Variants in GADL1 observed in about 807,000 individuals in gnomAD.
The protein encoded by GADL1 is acidic amino acid decarboxylase GADL1.
GADL1 carries 71 observed loss-of-function variants against 69.5 expected under a neutral mutation model. That is an observed-to-expected ratio of 1.02 (90% CI 0.84 to 1.25). The LOEUF is 1.25. GADL1 is among the 50% of genes most tolerant of loss of function. The pLI is 0.00. For synonymous variants in GADL1, 254 were observed against 214.4 expected, an observed-to-expected ratio of 1.18 and a Z score of -1.62; for missense variants, 737 against 631.8, an observed-to-expected ratio of 1.17 and a Z score of -1.79.
intron 11 of GADL1, among the ~76,000 whole-genome samples, chr3:30,825,761 A>G (rs972507865): frequency 1.3e-5 from 2 of 151,890 alleles, no homozygotes; most frequent in African/African-American, 2.4e-5. Context: ...ATCACACACC[A>G]GGGCCTGTCC....
intron 11 of GADL1, among the ~76,000 whole-genome samples, chr3:30,810,666 T>A (rs567203799): frequency 6.6e-6 from 1 of 152,066 alleles, no homozygotes; most frequent in South Asian, 2.1e-4. Context: ...GGAAAGGGCA[T>A]GTTTGTGCAG....
chr3:30,746,258 G>T (rs1475977538), intron 14 of GADL1, among the ~76,000 whole-genome samples: 15 of 152,196 alleles, frequency 9.9e-5, no homozygotes, highest in Admixed American at 9.8e-4. Context: ...CTCCCAAAGT[G>T]CTGAAATTAT....
At position 30,761,243 on chromosome 3, in the gene GADL1, A is replaced by G. The variant is rs145841442; in HGVS notation, c.1392+16936T>C. 5.5e-3 allele frequency among the ~76,000 whole-genome samples: 765 copies of G among 140,026 alleles called. 7 individuals are homozygous for G. Among genetic ancestry groups the G allele is most frequent in the African/African-American group, 0.019 (738 of 38,156 alleles). The allele number at this position is 140,026 out of a possible 152,430, so 91.9% of individuals were successfully genotyped here. A position where few individuals can be genotyped will look rare whatever the true frequency, so the allele number is the denominator to read the frequency against. On this transcript the variant is annotated intron_variant, in intron 14 of 14. Coordinates refer to ENST00000282538, the MANE Select transcript of GADL1 (RefSeq NM_207359.3). Reference sequence around the variant, plus strand: ...TGAGAGATGTTCTATCGTGGATAGCAATGAGAATTCTGAGTCTCCAGGGAA... The same window carrying G: ...TGAGAGATGTTCTATCGTGGATAGCGATGAGAATTCTGAGTCTCCAGGGAA...
chr3:30,804,619 A>G (rs1697221534), intron 11 of GADL1, among the ~76,000 whole-genome samples: 1 of 152,148 alleles, frequency 6.6e-6, no homozygotes, highest in Admixed American at 6.5e-5. Flanking sequence ...TTAGATGTCT[A>G]ACCTGTATCC....
intron 11 of GADL1, among the ~76,000 whole-genome samples, chr3:30,831,400 A>AGT (rs1553601556): frequency 6.6e-6 from 1 of 151,918 alleles, no homozygotes; most frequent in African/African-American, 2.4e-5. Flanking sequence ...GTATTACTGA[A>AGT]GTACTATACT....
chr3:30,755,759 CAA>C (rs1382173395), intron 14 of GADL1, among the ~76,000 whole-genome samples: 3 of 152,028 alleles, frequency 2.0e-5, no homozygotes, highest in African/African-American at 4.8e-5. Flanking sequence ...ATGAATGAAA[CAA>C]AAGGCAAATG....
chr3:30,770,067 G>T (rs943078935), intron 14 of GADL1, among the ~76,000 whole-genome samples: 1 of 152,186 alleles, frequency 6.6e-6, no homozygotes, highest in African/African-American at 2.4e-5. Context: ...CTGCATTCCT[G>T]CATGGCAGTC....
chr3:30,829,709 G>A (rs1697752884), intron 11 of GADL1, among the ~76,000 whole-genome samples: 1 of 151,908 alleles, frequency 6.6e-6, no homozygotes, highest in Non-Finnish European at 1.5e-5. Flanking sequence ...CAACCATTCA[G>A]TTTTTAAATA....
intron 12 of GADL1, among the ~76,000 whole-genome samples, chr3:30,789,044 G>A (rs1696857175): frequency 6.6e-6 from 1 of 152,094 alleles, no homozygotes; most frequent in African/African-American, 2.4e-5. Context: ...GTTTTCAGTG[G>A]TGTATAAAAG....
At chr3:30,761,046 A>G (rs1575189729) in intron 14 of GADL1, among the ~76,000 whole-genome samples, 1 of 152,168 alleles carries the variant, frequency 6.6e-6, no homozygotes, top group Non-Finnish European at 1.5e-5. Flanking sequence ...AACATTTTGC[A>G]ACTAGTATTG....
At chr3:30,797,304 A>C (rs903418518) in intron 12 of GADL1, among the ~76,000 whole-genome samples, 3 of 152,248 alleles carry the variant, frequency 2.0e-5, no homozygotes, top group Non-Finnish European at 2.9e-5. Flanking sequence ...GTTTTAACAC[A>C]TTCAGACAGC....
chr3:30,744,488 G>T lies in GADL1; in HGVS notation c.1393-16073C>A, dbSNP rs377319290. Among the ~76,000 whole-genome samples the T allele has an allele frequency of 3.9e-5, 6 of 152,198 alleles. No homozygotes were observed. In the East Asian group the frequency reaches 9.7e-4, roughly 25 times the overall value. On this transcript the variant is annotated intron_variant, in intron 14 of 14. Coordinates refer to ENST00000282538, the MANE Select transcript of GADL1 (RefSeq NM_207359.3). ...CACTTTGGGAGGCTGATGGGAGAGGGTCATTTAAGACCAGGAGTTCAAGAC... is the reference window on the plus strand; with the variant it reads ...CACTTTGGGAGGCTGATGGGAGAGGTTCATTTAAGACCAGGAGTTCAAGAC...
intron 11 of GADL1, among the ~76,000 whole-genome samples, chr3:30,833,055 CA>C (rs1697817934): frequency 1.3e-5 from 2 of 151,944 alleles, no homozygotes; most frequent in Non-Finnish European, 2.9e-5. Context: ...TCCTTAAAAA[CA>C]GAAAATGACT....
chr3:30,791,623 CTT>C (rs1216610147), intron 12 of GADL1, among the ~76,000 whole-genome samples: 1 of 152,112 alleles, frequency 6.6e-6, no homozygotes. Context: ...TGTTAAAACT[CTT>C]TTTGCTAACC....
intron 11 of GADL1, among the ~76,000 whole-genome samples, chr3:30,817,685 T>G (rs1322656077): frequency 6.6e-6 from 1 of 152,212 alleles, no homozygotes; most frequent in African/African-American, 2.4e-5. Flanking sequence ...AATATTGAAA[T>G]GGCACAAAGA....
intron 11 of GADL1, among the ~76,000 whole-genome samples, chr3:30,804,751 C>A (rs902504535): frequency 6.6e-6 from 1 of 152,234 alleles, no homozygotes; most frequent in Non-Finnish European, 1.5e-5. Flanking sequence ...TGAGGTCTAT[C>A]TTCCTCATTG....
Position 30,887,181 on chromosome 3 carries a change from G to T in GADL1, c.37+7397C>A, listed in dbSNP as rs141748042. ...TTACTTAATAGAGTACTTAGCATAT[G>T]CAGTCAAGGACTGAGAAGGAGGACA... On this transcript the variant is annotated intron_variant, in intron 1 of 14. Coordinates refer to ENST00000282538, the MANE Select transcript of GADL1 (RefSeq NM_207359.3). 1.1e-3 allele frequency among the ~76,000 whole-genome samples: 173 copies of T among 152,274 alleles called. 1 individual carries two copies. The highest frequency in any genetic ancestry group is 6.8e-3 in the Middle Eastern group (2 of 294).
At chr3:30,778,863 C>T (rs1696595951) in intron 13 of GADL1, 2 of 152,150 alleles carry the variant, frequency 1.3e-5, no homozygotes, top group South Asian at 4.1e-4. Flanking sequence ...GGGACCTATT[C>T]AAAATGTAGA....
intron 1 of GADL1, among the ~76,000 whole-genome samples, chr3:30,870,977 C>A (rs1455863298): frequency 1.3e-5 from 2 of 150,666 alleles, no homozygotes; most frequent in Admixed American, 1.3e-4. Flanking sequence ...GTCATGATGA[C>A]ATAGAGACAA....
Sources: gnomAD v4.1 joint callset for allele counts (sites outside exome capture counted in the v4.1 genomes callset) on GRCh38, gnomAD v4.1.1 for gene constraint, MANE v1.5 for transcripts, NCBI Gene and HGNC (gene_info 2026-07-23, HGNC 2026-07-21) for gene names.